The following TRIP12 variants were observed in gnomAD, a reference collection of about 807,000 sequenced individuals.
The protein encoded by TRIP12 is E3 ubiquitin-protein ligase TRIP12.
A neutral mutation model predicts 244.2 loss-of-function variants in TRIP12; 25 were observed. The observed-to-expected ratio is 0.10, with a 90% confidence interval of 0.07 to 0.14. The LOEUF is 0.14. TRIP12 is among the 10% of genes least tolerant of loss of function. TRIP12 has a pLI of 1.00. For synonymous variants in TRIP12, 905 were observed against 873.1 expected, an observed-to-expected ratio of 1.04 and a Z score of -0.64; for missense variants, 1,677 against 2,486.4, an observed-to-expected ratio of 0.67 and a Z score of 6.92.
chr2:229,834,895 TAAC>T (rs531544554), intron 6 of TRIP12, among the ~76,000 whole-genome samples: 112 of 152,312 alleles, frequency 7.4e-4, no homozygotes, highest in African/African-American at 2.5e-3. Flanking sequence ...TTTAAAATAA[TAAC>T]AACATTATTT....
intron 41 of TRIP12, 83 bp from the exon 42 acceptor site, chr2:229,767,833 A>G (rs1220913916): frequency 1.6e-6 from 2 of 1,284,168 alleles, no homozygotes; most frequent in African/African-American, 3.0e-5. Context: ...GCTTTGCCGT[A>G]CAATATTACA....
At position 229,764,813 on chromosome 2, in the gene TRIP12, T is replaced by C. The variant is rs958388423; in HGVS notation, c.*2741A>G. ...ACCACTCCTTTCCATGTTATGCACCTAACTCAAACCCAGTAAAGAGGGACT... is the reference window on the plus strand; with the variant it reads ...ACCACTCCTTTCCATGTTATGCACCCAACTCAAACCCAGTAAAGAGGGACT... On this transcript the variant is annotated 3_prime_UTR_variant, in exon 42 of 42. Transcript: ENST00000675903. 6.6e-6 allele frequency: 1 copy of C among 152,228 alleles called. No individual in the cohort carries two copies. The highest frequency in any genetic ancestry group is 2.4e-5 in the African/African-American group (1 of 41,454). 9.4% of individuals were successfully genotyped at this position (152,228 alleles called of 1,614,324 possible). A position where few individuals can be genotyped will look rare whatever the true frequency, so the allele number is the denominator to read the frequency against.
intron 39 of TRIP12, among the ~76,000 whole-genome samples, chr2:229,770,685 G>C (rs1392274974): frequency 2.0e-5 from 3 of 152,240 alleles, no homozygotes; most frequent in Non-Finnish European, 4.4e-5. Flanking sequence ...ATCTCATCTT[G>C]AACTGTAACT....
chr2:229,782,207 A>T (rs1398815051), intron 34 of TRIP12, among the ~76,000 whole-genome samples: 15 of 152,136 alleles, frequency 9.9e-5, no homozygotes. Context: ...TCTGAGCAAC[A>T]GCCATGATCA....
At position 229,766,645 on chromosome 2, in the gene TRIP12, T is replaced by C. The variant is rs543103666; in HGVS notation, c.*909A>G. The C allele has an allele frequency of 7.2e-5, 11 of 152,326 alleles. No homozygotes were observed. In the East Asian group the frequency reaches 1.9e-3, roughly 27 times the overall value. 9.4% of individuals were successfully genotyped at this position (152,326 alleles called of 1,614,324 possible). On this transcript the variant is annotated 3_prime_UTR_variant, in exon 42 of 42. Transcript: ENST00000675903. ...TCCAACAGGGAAGGAAAACTGCTTA[T>C]TTTGTTTAAAAAATTTACATTAATT...
chr2:229,915,709 T>G (rs533339544), intron 1 of TRIP12, among the ~76,000 whole-genome samples: 2 of 151,606 alleles, frequency 1.3e-5, no homozygotes. Flanking sequence ...AAAAAAAAAT[T>G]TTTTGAGACA....
intron 37 of TRIP12, among the ~76,000 whole-genome samples, chr2:229,775,581 A>G (rs1192745265): frequency 2.0e-5 from 3 of 151,370 alleles, no homozygotes; most frequent in Non-Finnish European, 4.4e-5. Flanking sequence ...ATTAGATAGG[A>G]ATCTAGAATT....
intron 24 of TRIP12, 140 bp downstream of exon 24, chr2:229,797,550 G>T: frequency 1.1e-6 from 1 of 928,724 alleles, no homozygotes; most frequent in Non-Finnish European, 1.6e-6. Context: ...AGAAATGCCA[G>T]CACCAAGGGT....
chr2:229,793,682 A>T (rs1158547460), intron 26 of TRIP12, among the ~76,000 whole-genome samples: 1 of 152,222 alleles, frequency 6.6e-6, no homozygotes, highest in Admixed American at 6.5e-5. Context: ...TTAATTGCTC[A>T]TTTCAGAAAA....
chr2:229,891,097 T>C (rs1220652184), intron 1 of TRIP12, among the ~76,000 whole-genome samples: 1 of 151,900 alleles, frequency 6.6e-6, no homozygotes, highest in African/African-American at 2.4e-5. Context: ...CTGGGCAATA[T>C]AAGGAGACCC....
intron 1 of TRIP12, among the ~76,000 whole-genome samples, chr2:229,891,866 C>T (rs751994719): frequency 6.6e-6 from 1 of 152,104 alleles, no homozygotes; most frequent in Non-Finnish European, 1.5e-5. Flanking sequence ...GATGTAATCA[C>T]GATGGTCACT....
At chr2:229,855,056 G>C (rs1185306060) in intron 4 of TRIP12, among the ~76,000 whole-genome samples, 1 of 152,186 alleles carries the variant, frequency 6.6e-6, no homozygotes, top group Non-Finnish European at 1.5e-5. Context: ...TTGAGGTCAG[G>C]CATTCAAGAC....
At chr2:229,795,067 C>T in intron 26 of TRIP12, 112 bp downstream of exon 26, 17 of 1,263,868 alleles carry the variant, frequency 1.3e-5, no homozygotes, top group Non-Finnish European at 1.8e-5. Context: ...ATCATTACAG[C>T]TGAATGTTTT....
intron 1 of TRIP12, among the ~76,000 whole-genome samples, chr2:229,908,031 T>A (rs892855943): frequency 6.6e-6 from 1 of 151,984 alleles, no homozygotes; most frequent in African/African-American, 2.4e-5. Context: ...TGAATCTCAG[T>A]GTTCGCTCTT....
intron 2 of TRIP12, among the ~76,000 whole-genome samples, chr2:229,865,729 T>C (rs900898591): frequency 6.6e-6 from 1 of 152,168 alleles, no homozygotes; most frequent in African/African-American, 2.4e-5. Flanking sequence ...TGCTGGAAAA[T>C]CCATGTTTTA....
chr2:229,812,341 A>G (rs2154279877), intron 13 of TRIP12, among the ~76,000 whole-genome samples: 1 of 152,282 alleles, frequency 6.6e-6, no homozygotes, highest in South Asian at 2.1e-4. Flanking sequence ...TTGGCCTCCC[A>G]AAGTGCTGGG....
chr2:229,893,543 G>A (rs944154540), intron 1 of TRIP12, among the ~76,000 whole-genome samples: 6 of 151,294 alleles, frequency 4.0e-5, no homozygotes, highest in African/African-American at 1.5e-4. Context: ...TTATGTAAGT[G>A]GAAACATAGT....
chr2:229,846,014 C>A (rs372887250), intron 4 of TRIP12, among the ~76,000 whole-genome samples: 1,585 of 116,704 alleles, frequency 0.014, no homozygotes, highest in African/African-American at 0.029. Flanking sequence ...CTCTTTTTTT[C>A]AAAAAAAAAA....
At chr2:229,843,654 G>A (rs2056980629) in intron 4 of TRIP12, among the ~76,000 whole-genome samples, 1 of 152,206 alleles carries the variant, frequency 6.6e-6, no homozygotes. Context: ...TGAGGCTGGA[G>A]GAATGGGTGA....
Sources: gnomAD v4.1 joint callset for allele counts (sites outside exome capture counted in the v4.1 genomes callset) on GRCh38, gnomAD v4.1.1 for gene constraint, MANE v1.5 for transcripts, NCBI Gene and HGNC (gene_info 2026-07-23, HGNC 2026-07-21) for gene names.